ASTN1: variants seen among roughly 807,000 people sequenced by gnomAD.
The protein encoded by ASTN1 is astrotactin 1, also known as astrotactin-1.
A neutral mutation model predicts 140.7 loss-of-function variants in ASTN1; 41 were observed. That is an observed-to-expected ratio of 0.29 (90% CI 0.23 to 0.38). ASTN1 has a LOEUF of 0.38. Ranked by LOEUF, ASTN1 falls within the 10% of genes least tolerant of loss-of-function variation. ASTN1 has a pLI of 1.00. For missense variants in ASTN1, 1,479 were observed against 1,678.8 expected, an observed-to-expected ratio of 0.88 and a Z score of 2.08; for synonymous variants, 640 against 652.2, an observed-to-expected ratio of 0.98 and a Z score of 0.29.
intron 1 of ASTN1, among the ~76,000 whole-genome samples, chr1:177,072,615 A>G (rs1015400634): frequency 6.6e-6 from 1 of 152,170 alleles, no homozygotes; most frequent in African/African-American, 2.4e-5. Context: ...CATTGACAGA[A>G]CAGTTTCTTT....
intron 4 of ASTN1, among the ~76,000 whole-genome samples, chr1:177,030,022 T>C (rs1676345299): frequency 1.3e-5 from 2 of 152,110 alleles, no homozygotes; most frequent in Admixed American, 1.3e-4. Flanking sequence ...CCAGGGAAAG[T>C]GGGTGGAATA....
At position 176,884,347 on chromosome 1, in the gene ASTN1, A is replaced by T; in HGVS notation, c.3218T>A (p.Val1073Glu). The T allele has an allele frequency of 6.2e-7, 1 of 1,613,998 alleles. No individual in the cohort carries two copies. Among genetic ancestry groups the T allele is most frequent in the Non-Finnish European group, 8.5e-7 (1 of 1,179,856 alleles). The change falls in exon 19 of 23, where the codon GTG becomes GAG. Residue 1073 changes from valine (V) to glutamate (E), a missense_variant. Val to Glu is a moderately radical substitution (Grantham distance 121). This residue lies in a region of ASTN1 where 746 missense variants were observed against 800.9 expected (regional missense o/e 0.93). Coordinates refer to ENST00000361833, the MANE Select transcript of ASTN1 (RefSeq NM_004319.3). The stretch of plus-strand genomic sequence containing the variant: ...AAGTAGAAGGTGCTCACCTGTCTCC[A>T]CTTTGGAGTGGTCCATCCTGTCAGT... ...KVTDRMDHSK[V>E]ETETVLSFVD...
chr1:176,890,236 G>T (rs1669203888), intron 17 of ASTN1, among the ~76,000 whole-genome samples: 1 of 152,220 alleles, frequency 6.6e-6, no homozygotes, highest in Non-Finnish European at 1.5e-5. Flanking sequence ...GAGCTGCCAT[G>T]AATGCATATG....
At chr1:176,875,814 A>G (rs1445390836) in intron 21 of ASTN1, among the ~76,000 whole-genome samples, 2 of 152,200 alleles carry the variant, frequency 1.3e-5, no homozygotes, top group African/African-American at 4.8e-5. Context: ...GATTACTTAA[A>G]TTAGTGCTGG....
At chr1:177,013,094 C>CAA (rs1675372801) in intron 8 of ASTN1, among the ~76,000 whole-genome samples, 2 of 152,136 alleles carry the variant, frequency 1.3e-5, no homozygotes, top group Admixed American at 1.3e-4. Flanking sequence ...ATCTATCAGC[C>CAA]AAACCTTCTG....
chr1:176,982,755 T>C (rs1673681938), intron 8 of ASTN1, among the ~76,000 whole-genome samples: 1 of 152,190 alleles, frequency 6.6e-6, no homozygotes, highest in Non-Finnish European at 1.5e-5. Context: ...GATTCTAATG[T>C]GCAGCATAGA....
At chr1:176,897,747 C>T (rs1479443004) in intron 16 of ASTN1, among the ~76,000 whole-genome samples, 2 of 152,156 alleles carry the variant, frequency 1.3e-5, no homozygotes, top group East Asian at 3.9e-4. Flanking sequence ...TATAGAGGGG[C>T]ATAGATGATG....
chr1:177,122,651 G>A (rs747348580), intron 1 of ASTN1, among the ~76,000 whole-genome samples: 11 of 152,258 alleles, frequency 7.2e-5, no homozygotes, highest in Non-Finnish European at 1.0e-4. Flanking sequence ...GTCACCACCC[G>A]CGGTTTTCGC....
chr1:176,886,080 G>C (rs1669020648), intron 18 of ASTN1, among the ~76,000 whole-genome samples: 1 of 152,074 alleles, frequency 6.6e-6, no homozygotes. Context: ...AGATTTCTGA[G>C]AACACAAATT....
chr1:176,986,139 CTCA>C (rs1673895537), intron 8 of ASTN1, among the ~76,000 whole-genome samples: 1 of 152,174 alleles, frequency 6.6e-6, no homozygotes, highest in East Asian at 1.9e-4. Flanking sequence ...TTTTTTTAGA[CTCA>C]TCTTCAGCCC....
chr1:176,945,333 G>T (rs1481702556), intron 13 of ASTN1, among the ~76,000 whole-genome samples: 1 of 151,970 alleles, frequency 6.6e-6, no homozygotes, highest in African/African-American at 2.4e-5. Flanking sequence ...ATTAATTCAC[G>T]TAAAAACAAT....
At position 177,143,262 on chromosome 1, in the gene ASTN1, C is replaced by T. The variant is rs533728777; in HGVS notation, c.283+21132G>A. On this transcript the variant is annotated intron_variant, in intron 1 of 22. Coordinates refer to ENST00000361833, the MANE Select transcript of ASTN1 (RefSeq NM_004319.3). ...TTCCCTCTCAAATCTCCCTCTAGTA[C>T]GAACATTTCCAAGTTGTTGTCAATG... Among the ~76,000 whole-genome samples, 11 of 152,322 alleles carry T rather than the reference C, an allele frequency of 7.2e-5. No individual in the cohort carries two copies. In the South Asian group the frequency reaches 1.9e-3, roughly 26 times the overall value.
At chr1:176,921,622 C>A (rs1202619102) in intron 16 of ASTN1, among the ~76,000 whole-genome samples, 1 of 152,212 alleles carries the variant, frequency 6.6e-6, no homozygotes, top group African/African-American at 2.4e-5. Flanking sequence ...TACACAAATG[C>A]ATCTAACCCA....
Position 177,143,373 on chromosome 1 carries a change from G to T in ASTN1, c.283+21021C>A, listed in dbSNP as rs1204423918. Among the ~76,000 whole-genome samples the T allele has an allele frequency of 2.6e-5, 4 of 152,176 alleles. No individual in the cohort carries two copies. The South Asian group carries it at 8.3e-4, about 32-fold the overall frequency. On this transcript the variant is annotated intron_variant, in intron 1 of 22. Transcript: ENST00000361833. ...TAATGTGAGAATTATAGGGAAGTCA[G>T]ATTTGCTATGGCCACGCGCAGGGAC...
At chr1:176,912,684 T>TA (rs1670296380) in intron 16 of ASTN1, among the ~76,000 whole-genome samples, 2 of 152,292 alleles carry the variant, frequency 1.3e-5, no homozygotes, top group Non-Finnish European at 2.9e-5. Context: ...TTTTAACCAC[T>TA]AAGCTATACT....
intron 8 of ASTN1, among the ~76,000 whole-genome samples, chr1:177,000,890 G>T (rs1052340793): frequency 3.6e-4 from 55 of 152,196 alleles, no homozygotes; most frequent in African/African-American, 1.3e-3. Flanking sequence ...ATGGGTGGCA[G>T]ATTGGATATT....
intron 8 of ASTN1, among the ~76,000 whole-genome samples, chr1:177,003,609 G>A (rs368786620): frequency 4.9e-4 from 74 of 152,168 alleles, no homozygotes; most frequent in Non-Finnish European, 9.4e-4. Context: ...TTGGAAGTTC[G>A]AGACCAGCCT....
chr1:177,090,609 A>C (rs1187301217), intron 1 of ASTN1, among the ~76,000 whole-genome samples: 2 of 152,100 alleles, frequency 1.3e-5, no homozygotes, highest in African/African-American at 4.8e-5. Flanking sequence ...ATTCCACCTA[A>C]ATGGTCATTA....
chr1:176,923,331 T>C (rs1557962632), intron 16 of ASTN1, among the ~76,000 whole-genome samples: 1 of 152,074 alleles, frequency 6.6e-6, no homozygotes, highest in Non-Finnish European at 1.5e-5. Flanking sequence ...GATAAGAAAA[T>C]TATTTTGAAG....
Sources: gnomAD v4.1 joint callset for allele counts (sites outside exome capture counted in the v4.1 genomes callset) on GRCh38, gnomAD v4.1.1 for gene constraint, gnomAD v4.1.1 regional missense constraint, MANE v1.5 for transcripts, NCBI Gene and HGNC (gene_info 2026-07-23, HGNC 2026-07-21) for gene names.